GHR: variants seen among roughly 807,000 people sequenced by gnomAD.
GHR encodes GH receptor.
Under a neutral mutation model 67.1 loss-of-function variants are expected in GHR, and 35 were observed. The observed-to-expected ratio is 0.52, with a 90% CI of 0.40 to 0.69. GHR has a LOEUF of 0.69. Among genes scored for constraint, GHR ranks in the 30% least tolerant of loss-of-function variants. The pLI is 0.00. For missense variants in GHR, 792 were observed against 764.6 expected, an observed-to-expected ratio of 1.04 and a Z score of -0.42; for synonymous variants, 272 against 269.1, an observed-to-expected ratio of 1.01 and a Z score of -0.10.
chr5:42,661,719 A>C (rs988329966), intron 3 of GHR, among the ~76,000 whole-genome samples: 13 of 152,218 alleles, frequency 8.5e-5, no homozygotes, highest in African/African-American at 3.1e-4. Flanking sequence ...TAACCAGCTA[A>C]CATCATAATG....
chr5:42,489,356 G>A (rs1036851959), intron 1 of GHR, among the ~76,000 whole-genome samples: 3 of 152,072 alleles, frequency 2.0e-5, no homozygotes, highest in African/African-American at 7.2e-5. Flanking sequence ...TAGTGTGCTA[G>A]GTGTAAACAG....
At chr5:42,485,789 T>TCA (rs1745852406) in intron 1 of GHR, among the ~76,000 whole-genome samples, 1 of 152,220 alleles carries the variant, frequency 6.6e-6, no homozygotes, top group African/African-American at 2.4e-5. Flanking sequence ...AGAAGCCAGC[T>TCA]CACAAGAAGA....
chr5:42,548,253 G>A (rs1748828809), intron 1 of GHR: 2 of 985,260 alleles, frequency 2.0e-6, no homozygotes, highest in African/African-American at 3.5e-5. Flanking sequence ...GATTGAGAAT[G>A]ACTGATTTGG....
rs1561138913 is a variant in GHR at position 42,579,136 on chromosome 5, TAGATGATAGATAGATATAGATAG to T, written c.70+13194_70+13216del. Among the ~76,000 whole-genome samples the T allele has an allele frequency of 9.5e-3, 644 of 67,478 alleles. 9 individuals are homozygous for T. Among genetic ancestry groups the T allele is most frequent in the Non-Finnish European group, 0.011 (334 of 30,932 alleles). The allele number at this position is 67,478 out of a possible 152,430, so 44.3% of individuals were successfully genotyped here. A position where few individuals can be genotyped will look rare whatever the true frequency, so the allele number is the denominator to read the frequency against. ...ATAGATAGATAGATAGATAGATAGATAGATGATAGATAGATATAGATAGATAGATAGATAGATAGATAGATAGA... is the reference window on the plus strand; with the variant it reads ...ATAGATAGATAGATAGATAGATAGATATAGATAGATAGATAGATAGATAGA... On this transcript the variant is annotated intron_variant, in intron 2 of 9. Transcript: ENST00000230882.
intron 1 of GHR, 117 bp from the exon 2 acceptor site, chr5:42,565,747 T>C: frequency 6.3e-7 from 1 of 1,588,206 alleles, no homozygotes; most frequent in Non-Finnish European, 8.6e-7. Flanking sequence ...TTACCAGGAT[T>C]CCTTCTGGAA....
intron 1 of GHR, among the ~76,000 whole-genome samples, chr5:42,491,827 A>G (rs1321604323): frequency 6.6e-6 from 1 of 152,204 alleles, no homozygotes; most frequent in Non-Finnish European, 1.5e-5. Flanking sequence ...CTAACCAGGC[A>G]CAGGGAGAGG....
intron 1 of GHR, among the ~76,000 whole-genome samples, chr5:42,528,203 A>C (rs1216411549): frequency 1.3e-5 from 2 of 152,154 alleles, no homozygotes; most frequent in Admixed American, 1.3e-4. Context: ...TATAGTTGCC[A>C]TAGATAGTCA....
chr5:42,482,650 C>T (rs1014598396), intron 1 of GHR, among the ~76,000 whole-genome samples: 6 of 152,118 alleles, frequency 3.9e-5, no homozygotes, highest in South Asian at 2.1e-4. Flanking sequence ...TAGCAATGAG[C>T]GAGACTCCAT....
At chr5:42,678,978 AT>A (rs997528777) in intron 3 of GHR, among the ~76,000 whole-genome samples, 4 of 147,004 alleles carry the variant, frequency 2.7e-5, no homozygotes, top group Non-Finnish European at 6.0e-5. Flanking sequence ...ATATATTTAT[AT>A]TAATAATATA....
At chr5:42,524,331 T>G (rs1470133030) in intron 1 of GHR, among the ~76,000 whole-genome samples, 1 of 152,190 alleles carries the variant, frequency 6.6e-6, no homozygotes, top group Non-Finnish European at 1.5e-5. Context: ...GGAGAAAATA[T>G]GACTCTTGTT....
chr5:42,519,887 T>C lies in GHR; in HGVS notation c.-11-45977T>C, dbSNP rs374579546. On this transcript the variant is annotated intron_variant, in intron 1 of 9. Transcript: ENST00000230882. Reference sequence around the variant, plus strand: ...GTTGAATGAATTAAATGACCATAAGTACAGTTGTTTTTGCTGCAATTTGTT... The same window carrying C: ...GTTGAATGAATTAAATGACCATAAGCACAGTTGTTTTTGCTGCAATTTGTT... 2.6e-5 allele frequency among the ~76,000 whole-genome samples: 4 copies of C among 152,166 alleles called. No individual in the cohort carries two copies. In the East Asian group the frequency reaches 7.7e-4, roughly 29 times the overall value.
chr5:42,612,170 G>T (rs79568924), intron 2 of GHR, among the ~76,000 whole-genome samples: 2,455 of 152,148 alleles, frequency 0.016, 69 homozygotes, highest in African/African-American at 0.057. Context: ...TGCAAATTTG[G>T]TCTTTCTGAC....
intron 1 of GHR, among the ~76,000 whole-genome samples, chr5:42,547,069 A>G (rs2112399372): frequency 6.6e-6 from 1 of 152,308 alleles, no homozygotes; most frequent in Admixed American, 6.5e-5. Context: ...AAGATTTCAA[A>G]ACATATTAGC....
chr5:42,610,015 G>T (rs11948453), intron 2 of GHR, among the ~76,000 whole-genome samples: 45,930 of 152,018 alleles, frequency 0.3, 8,985 homozygotes, highest in African/African-American at 0.56. Flanking sequence ...CTCAGGAAGG[G>T]TCTAGAAAGA....
At chr5:42,578,000 A>G (rs1488749279) in intron 2 of GHR, among the ~76,000 whole-genome samples, 1 of 152,230 alleles carries the variant, frequency 6.6e-6, no homozygotes, top group Non-Finnish European at 1.5e-5. Flanking sequence ...CTCACAGAAC[A>G]TATGATTACA....
chr5:42,615,983 A>G (rs1269511055), intron 2 of GHR, among the ~76,000 whole-genome samples: 1 of 152,008 alleles, frequency 6.6e-6, no homozygotes, highest in Non-Finnish European at 1.5e-5. Context: ...GTATCCTTTC[A>G]CGCTCTTATG....
At position 42,711,231 on chromosome 5, in the gene GHR, G is replaced by T. The variant is rs763198541; in HGVS notation, c.643G>T (p.Val215Phe). Residue 215 changes from valine to phenylalanine, a missense_variant, in exon 7 of 10, where the codon GTT becomes TTT. Transcript: ENST00000230882. ...GATGGACCCTATATTGACAACATCA[G>T]TTCCAGTGTACTCATTGAAAGTGGA... The part of the protein sequence containing the change: ...KMMDPILTTS[V>F]PVYSLKVDKE... 6.8e-6 allele frequency: 11 copies of T among 1,613,382 alleles called. No homozygotes were observed. The highest frequency in any genetic ancestry group is 1.7e-4 in the Middle Eastern group (1 of 6,060).
At chr5:42,472,508 C>T (rs977182984) in intron 1 of GHR, among the ~76,000 whole-genome samples, 1 of 152,170 alleles carries the variant, frequency 6.6e-6, no homozygotes. Flanking sequence ...TGCCAGAATA[C>T]TGGCAGGGCA....
intron 1 of GHR, among the ~76,000 whole-genome samples, chr5:42,486,803 C>A (rs1490457118): frequency 6.7e-6 from 1 of 149,922 alleles, no homozygotes; most frequent in Non-Finnish European, 1.5e-5. Flanking sequence ...GCGGAGATCG[C>A]GCCACTGCAC....
Sources: gnomAD v4.1 joint callset for allele counts (sites outside exome capture counted in the v4.1 genomes callset) on GRCh38, gnomAD v4.1.1 for gene constraint, MANE v1.5 for transcripts, NCBI Gene and HGNC (gene_info 2026-07-23, HGNC 2026-07-21) for gene names.